Variants in DYNC1I1 observed in about 807,000 individuals in gnomAD.
The protein encoded by DYNC1I1 is cytoplasmic dynein 1 intermediate chain 1.
A neutral mutation model predicts 86.6 loss-of-function variants in DYNC1I1; 43 were observed. That is an observed-to-expected ratio of 0.50 (90% CI 0.39 to 0.64). The LOEUF (loss-of-function observed/expected upper bound fraction) is 0.64, where lower values mean the gene tolerates loss of function less well. DYNC1I1 is among the 30% of genes least tolerant of loss of function. The pLI, the probability that DYNC1I1 is intolerant of heterozygous loss-of-function variation, is 0.00. For missense variants in DYNC1I1, 604 were observed against 788.8 expected, an observed-to-expected ratio of 0.77 and a Z score of 2.81; for synonymous variants, 262 against 283.7, an observed-to-expected ratio of 0.92 and a Z score of 0.77.
chr7:95,856,370 T>C (rs1273014170), intron 5 of DYNC1I1, among the ~76,000 whole-genome samples: 1 of 152,226 alleles, frequency 6.6e-6, no homozygotes, highest in Non-Finnish European at 1.5e-5. Flanking sequence ...TGGCTGAGGC[T>C]CTTCATTAGA....
intron 14 of DYNC1I1, among the ~76,000 whole-genome samples, 162 bp downstream of exon 14, chr7:96,039,583 C>G (rs1788973747): frequency 6.6e-6 from 1 of 152,170 alleles, no homozygotes; most frequent in Non-Finnish European, 1.5e-5. Context: ...TAGTTAAGTC[C>G]ATTTTATTTA....
At chr7:96,038,790 A>C (rs572244946) in intron 13 of DYNC1I1, among the ~76,000 whole-genome samples, 1 of 152,336 alleles carries the variant, frequency 6.6e-6, no homozygotes, top group South Asian at 2.1e-4. Context: ...AAGTAATTTA[A>C]GAAATTTACT....
intron 6 of DYNC1I1, among the ~76,000 whole-genome samples, chr7:95,949,809 A>T (rs146003662): frequency 6.6e-6 from 1 of 152,314 alleles, no homozygotes; most frequent in Non-Finnish European, 1.5e-5. Context: ...TCCTTTAAAA[A>T]GCAACATCCA....
intron 14 of DYNC1I1, among the ~76,000 whole-genome samples, chr7:96,063,789 C>T (rs1306839195): frequency 2.0e-5 from 3 of 152,122 alleles, no homozygotes; most frequent in Non-Finnish European, 2.9e-5. Context: ...GTGATAATTC[C>T]ACCCATAAGA....
At chr7:95,817,988 A>G (rs1794984626) in intron 4 of DYNC1I1, among the ~76,000 whole-genome samples, 1 of 152,230 alleles carries the variant, frequency 6.6e-6, no homozygotes, top group Non-Finnish European at 1.5e-5. Context: ...GCTGGACACC[A>G]CAGTGTAGGC....
intron 9 of DYNC1I1, among the ~76,000 whole-genome samples, chr7:95,994,308 C>T (rs940278124): frequency 2.0e-5 from 3 of 152,020 alleles, no homozygotes; most frequent in African/African-American, 7.2e-5. Flanking sequence ...AGCTTGCAAT[C>T]GAGTGAAAGA....
chr7:95,832,522 T>C lies in DYNC1I1; in HGVS notation c.374+4406T>C, dbSNP rs1788938623. On this transcript the variant is annotated intron_variant, in intron 5 of 16. Transcript: ENST00000447467. ...CTGGGTCAAATGGTATTTCTAGTTC[T>C]AGATCCCTGAGGAATTGCCACACTG... Among the ~76,000 whole-genome samples, 3 of 152,186 alleles carry C rather than the reference T, an allele frequency of 2.0e-5. No homozygotes were observed. The South Asian group carries it at 6.2e-4, about 32-fold the overall frequency.
intron 16 of DYNC1I1, among the ~76,000 whole-genome samples, chr7:96,092,083 C>T (rs1474904361): frequency 6.6e-6 from 1 of 151,946 alleles, no homozygotes. Flanking sequence ...TTCCCTGTCC[C>T]CCGTTCATGA....
At chr7:95,965,288 C>T (rs1792980220) in intron 6 of DYNC1I1, among the ~76,000 whole-genome samples, 1 of 152,184 alleles carries the variant, frequency 6.6e-6, no homozygotes, top group Non-Finnish European at 1.5e-5. Flanking sequence ...TTACTTTCAC[C>T]TCCAAACCCA....
At chr7:95,995,554 C>A (rs1793845243) in intron 9 of DYNC1I1, among the ~76,000 whole-genome samples, 1 of 152,092 alleles carries the variant, frequency 6.6e-6, no homozygotes, top group Non-Finnish European at 1.5e-5. Context: ...GATGAACTTA[C>A]TCAGCGAGAA....
intron 14 of DYNC1I1, 109 bp downstream of exon 14, chr7:96,039,530 G>A (rs1195954091): frequency 6.5e-6 from 9 of 1,393,650 alleles, no homozygotes; most frequent in African/African-American, 5.7e-5. Context: ...ACCTGGCATT[G>A]GGAATTCATA....
chr7:95,954,759 C>A (rs1792660263), intron 6 of DYNC1I1, among the ~76,000 whole-genome samples: 1 of 151,480 alleles, frequency 6.6e-6, no homozygotes, highest in Admixed American at 6.6e-5. Context: ...TAAAAAAATA[C>A]AAAATAATTA....
At chr7:95,907,685 C>T (rs868342620) in intron 6 of DYNC1I1, among the ~76,000 whole-genome samples, 1 of 152,046 alleles carries the variant, frequency 6.6e-6, no homozygotes, top group Non-Finnish European at 1.5e-5. Context: ...CATTCTCTGC[C>T]TTTTACCAGG....
chr7:95,956,938 C>T (rs895478121), intron 6 of DYNC1I1, among the ~76,000 whole-genome samples: 5 of 152,190 alleles, frequency 3.3e-5, no homozygotes, highest in African/African-American at 1.2e-4. Context: ...GTTCATTTAA[C>T]ACGATACCAA....
intron 5 of DYNC1I1, among the ~76,000 whole-genome samples, chr7:95,833,252 T>C (rs368489395): frequency 0.15 from 20,252 of 138,308 alleles, 1,213 homozygotes; most frequent in East Asian, 0.29. Flanking sequence ...CTTGTTTTTC[T>C]CAGGTTTGTC....
At chr7:95,804,689 A>G (rs1223937843) in intron 1 of DYNC1I1, 32 bp from the exon 2 acceptor site, 23 of 1,535,984 alleles carry the variant, frequency 1.5e-5, no homozygotes, top group South Asian at 1.0e-4. Flanking sequence ...TTATTTATAT[A>G]TATGTTCACT....
At chr7:96,014,053 G>A (rs1794343849) in intron 10 of DYNC1I1, among the ~76,000 whole-genome samples, 1 of 152,118 alleles carries the variant, frequency 6.6e-6, no homozygotes, top group African/African-American at 2.4e-5. Context: ...GTTACCGTAA[G>A]GGCTGCTGTC....
chr7:95,937,182 A>T (rs909008041), intron 6 of DYNC1I1, among the ~76,000 whole-genome samples: 3 of 151,996 alleles, frequency 2.0e-5, no homozygotes, highest in African/African-American at 4.8e-5. Context: ...AAATGGGGAG[A>T]TGTTGGTTAA....
At chr7:95,813,199 A>G (rs1209559922) in intron 3 of DYNC1I1, 48 bp from the exon 4 acceptor site, 1 of 1,610,594 alleles carries the variant, frequency 6.2e-7, no homozygotes, top group African/African-American at 1.4e-5. Context: ...TCACCAGTGC[A>G]GCCGCTGCAT....
Sources: allele counts gnomAD v4.1 joint callset (sites outside exome capture counted in the v4.1 genomes callset), GRCh38; gene constraint gnomAD v4.1.1; transcripts MANE v1.5; gene names NCBI Gene and HGNC (gene_info 2026-07-23, HGNC 2026-07-21).